SHISA9: variants seen among roughly 807,000 people sequenced by gnomAD.
SHISA9 encodes shisa family member 9, also known as protein shisa-9.
SHISA9 carries 13 observed loss-of-function variants against 38.0 expected under a neutral mutation model. The ratio of observed to expected loss-of-function variants is 0.34; its 90% CI spans 0.22 to 0.54. The LOEUF is 0.54. SHISA9 is among the 20% of genes least tolerant of loss of function. The pLI, the probability that SHISA9 is intolerant of heterozygous loss-of-function variation, is 0.91. For synonymous variants in SHISA9, 275 were observed against 242.0 expected (o/e 1.14, Z -1.27); for missense variants, 538 against 575.8 (o/e 0.93, Z 0.67).
At chr16:13,127,213 G>C (rs1046751263) in intron 2 of SHISA9, among the ~76,000 whole-genome samples, 2 of 130,006 alleles carry the variant, frequency 1.5e-5, no homozygotes, top group African/African-American at 5.8e-5. Flanking sequence ...GGGAGAGAGG[G>C]AAAGAGAGGG....
At chr16:13,190,332 AC>A (rs760828867) in intron 2 of SHISA9, among the ~76,000 whole-genome samples, 2 of 150,662 alleles carry the variant, frequency 1.3e-5, no homozygotes, top group Non-Finnish European at 2.9e-5. Flanking sequence ...TATGCAAAAC[AC>A]CCTTTAGTCT....
intron 2 of SHISA9, among the ~76,000 whole-genome samples, chr16:13,131,456 G>C (rs2050306155): frequency 6.6e-6 from 1 of 151,998 alleles, no homozygotes; most frequent in South Asian, 2.1e-4. Flanking sequence ...ACACACACTG[G>C]GGCCTGTTGT....
chr16:13,160,392 T>C (rs1262841386), intron 2 of SHISA9, among the ~76,000 whole-genome samples: 2 of 152,200 alleles, frequency 1.3e-5, no homozygotes, highest in Non-Finnish European at 2.9e-5. Flanking sequence ...TCTAGTATAT[T>C]CTATTCACCC....
chr16:12,986,313 G>A (rs2072308251), intron 2 of SHISA9, among the ~76,000 whole-genome samples: 1 of 151,864 alleles, frequency 6.6e-6, no homozygotes, highest in Non-Finnish European at 1.5e-5. Context: ...TTCCCTTCTT[G>A]CTTTCTTGCT....
chr16:13,387,427 C>T, the SHISA9 span, among the ~76,000 whole-genome samples: 1 of 151,750 alleles, frequency 6.6e-6, no homozygotes, highest in African/African-American at 2.4e-5. Flanking sequence ...TTGCTGCAAG[C>T]CGAGTGATGC....
chr16:13,331,282 T>C, the SHISA9 span: 1 of 152,080 alleles, frequency 6.6e-6, no homozygotes, highest in African/African-American at 2.4e-5. Flanking sequence ...GTTCTGGGGG[T>C]TCCTGAAGGT....
intron 2 of SHISA9, among the ~76,000 whole-genome samples, chr16:12,962,832 C>T (rs769185954): frequency 3.0e-4 from 46 of 152,348 alleles, no homozygotes; most frequent in Middle Eastern, 3.4e-3. Context: ...TTACATCCCC[C>T]TTCCTAGGTG....
At chr16:13,416,129 G>A in the SHISA9 span, among the ~76,000 whole-genome samples, 1 of 151,596 alleles carries the variant, frequency 6.6e-6, no homozygotes. Flanking sequence ...TATTCTACAT[G>A]AAAAAAAACC....
the SHISA9 span, among the ~76,000 whole-genome samples, chr16:13,456,512 C>T: frequency 6.6e-6 from 1 of 152,236 alleles, no homozygotes; most frequent in Non-Finnish European, 1.5e-5. Context: ...GCCACTGCGT[C>T]ATGAAGAATT....
intron 4 of SHISA9, among the ~76,000 whole-genome samples, chr16:13,232,478 A>C (rs562942315): frequency 7.9e-5 from 12 of 152,326 alleles, no homozygotes; most frequent in African/African-American, 2.9e-4. Context: ...TTGATGAAAA[A>C]GGTCAAACTC....
chr16:13,313,700 A>C, the SHISA9 span, among the ~76,000 whole-genome samples: 2 of 152,276 alleles, frequency 1.3e-5, no homozygotes, highest in African/African-American at 4.8e-5. Context: ...CTTGTAACAA[A>C]TTGTATACAC....
At chr16:13,154,287 C>T (rs1391094799) in intron 2 of SHISA9, among the ~76,000 whole-genome samples, 1 of 152,102 alleles carries the variant, frequency 6.6e-6, no homozygotes, top group Admixed American at 6.5e-5. Context: ...TGTTCTCCTC[C>T]CAAGCACAAG....
intron 2 of SHISA9, among the ~76,000 whole-genome samples, chr16:13,145,481 C>A (rs927957655): frequency 6.6e-6 from 1 of 152,094 alleles, no homozygotes; most frequent in African/African-American, 2.4e-5. Context: ...GAGCCAAGAT[C>A]GTGCCATTGC....
At chr16:13,406,262 T>C in the SHISA9 span, among the ~76,000 whole-genome samples, 1 of 152,190 alleles carries the variant, frequency 6.6e-6, no homozygotes, top group African/African-American at 2.4e-5. Context: ...GTTAGTGCTT[T>C]GTAGAAAATC....
At chr16:13,334,971 T>G in the SHISA9 span, among the ~76,000 whole-genome samples, 1 of 152,204 alleles carries the variant, frequency 6.6e-6, no homozygotes, top group Non-Finnish European at 1.5e-5. Flanking sequence ...CTGTATATTC[T>G]AGAGACAAGG....
intron 2 of SHISA9, among the ~76,000 whole-genome samples, chr16:13,015,440 C>G (rs563948192): frequency 6.6e-6 from 1 of 152,216 alleles, no homozygotes. Flanking sequence ...ACAATTTGCC[C>G]AACTGATGAG....
chr16:13,459,772 C>G, the SHISA9 span, among the ~76,000 whole-genome samples: 1 of 152,030 alleles, frequency 6.6e-6, no homozygotes, highest in East Asian at 1.9e-4. Flanking sequence ...AACTTAGAAG[C>G]AAAGGACAAA....
At chr16:13,185,474 G>A (rs981713630) in intron 2 of SHISA9, among the ~76,000 whole-genome samples, 5 of 152,148 alleles carry the variant, frequency 3.3e-5, no homozygotes, top group Admixed American at 3.3e-4. Flanking sequence ...AAAGTGCTAC[G>A]ATTATAGTCA....
At chr16:13,509,202 G>A in the SHISA9 span, among the ~76,000 whole-genome samples, 1 of 152,226 alleles carries the variant, frequency 6.6e-6, no homozygotes, top group Admixed American at 6.5e-5. Flanking sequence ...ACCCATGAGT[G>A]GGGTAGAATC....
Sources: gnomAD v4.1 joint callset for allele counts (sites outside exome capture counted in the v4.1 genomes callset) on GRCh38, gnomAD v4.1.1 for gene constraint, MANE v1.5 for transcripts, NCBI Gene and HGNC (gene_info 2026-07-23, HGNC 2026-07-21) for gene names.